G2E3: variants seen among roughly 807,000 people sequenced by gnomAD.
G2E3 encodes the protein G2/M phase-specific E3 ubiquitin-protein ligase.
In G2E3, 35 loss-of-function variants were observed where a neutral mutation model predicts 92.8. The observed-to-expected ratio is 0.38, with a 90% confidence interval of 0.29 to 0.50. G2E3 has a LOEUF of 0.50. Among genes scored for constraint, G2E3 ranks in the 20% least tolerant of loss-of-function variants. The pLI, the probability that G2E3 is intolerant of heterozygous loss-of-function variation, is 0.94. For synonymous variants in G2E3, 242 were observed against 272.4 expected, an observed-to-expected ratio of 0.89 and a Z score of 1.10; for missense variants, 554 against 823.8, an observed-to-expected ratio of 0.67 and a Z score of 4.01.
intron 13 of G2E3, 112 bp from the exon 14 acceptor site, chr14:30,615,236 TA>T: frequency 1.7e-6 from 1 of 577,814 alleles, no homozygotes; most frequent in Non-Finnish European, 3.0e-6. Context: ...GGTTGTTTTT[TA>T]AAAATCATTA....
chr14:30,598,510 C>T lies in G2E3; in HGVS notation c.663C>T (p.Asn221=), dbSNP rs774032938. 29 of 1,612,264 alleles carry T rather than the reference C, an allele frequency of 1.8e-5. No individual in the cohort carries two copies. Among genetic ancestry groups the T allele is most frequent in the Middle Eastern group, 1.7e-4 (1 of 6,056 alleles). The change falls in exon 8 of 15, where the codon AAC becomes AAT. Residue 221 remains asparagine, a synonymous_variant. Coordinates refer to ENST00000206595, the MANE Select transcript of G2E3 (RefSeq NM_017769.5). ...EKDASWELEE[N]AYQELLQHYE... Reference sequence around the variant, plus strand: ...ATGCTTCCTGGGAATTAGAGGAAAACGCTTATCAAGAGCTTCTGCAGCACT... The same window carrying T: ...ATGCTTCCTGGGAATTAGAGGAAAATGCTTATCAAGAGCTTCTGCAGCACT...
At position 30,616,447 on chromosome 14, in the gene G2E3, T is replaced by G; in HGVS notation, c.2034T>G (p.Tyr678Ter). The G allele has an allele frequency of 6.2e-7, 1 of 1,609,788 alleles. No homozygotes were observed. Among genetic ancestry groups the G allele is most frequent in the Non-Finnish European group, 8.5e-7 (1 of 1,176,376 alleles). The change falls in exon 15 of 15, where the codon TAT becomes TAG. Residue 678 changes from tyrosine (Y) to a stop codon, truncating the protein, a stop_gained. Coordinates refer to ENST00000206595, the MANE Select transcript of G2E3 (RefSeq NM_017769.5). LOFTEE classifies it high-confidence loss of function. ...NCLAIPITNT[Y>*]KEFQENMDFT... ...TAGCAATTCCCATCACCAATACATA[T>G]AAAGAGTTTCAAGAAAATATGGACT...
At chr14:30,591,647 C>A (rs559557369) in intron 4 of G2E3, among the ~76,000 whole-genome samples, 7 of 152,278 alleles carry the variant, frequency 4.6e-5, no homozygotes, top group African/African-American at 1.7e-4. Context: ...ACAGGCCTTT[C>A]TCTGTATATG....
chr14:30,614,731 T>C (rs372511580), intron 13 of G2E3, among the ~76,000 whole-genome samples: 6 of 152,226 alleles, frequency 3.9e-5, no homozygotes, highest in African/African-American at 1.2e-4. Flanking sequence ...AAAAATGATA[T>C]GTTTGTTCTT....
chr14:30,606,498 C>T (rs1218154568), intron 11 of G2E3, among the ~76,000 whole-genome samples: 5 of 152,056 alleles, frequency 3.3e-5, no homozygotes, highest in African/African-American at 1.2e-4. Context: ...ATAGTTCACA[C>T]AGTTTAATTA....
Position 30,602,095 on chromosome 14 carries a change from G to A in G2E3, c.974G>A (p.Arg325Lys), listed in dbSNP as rs1881597663. 6.8e-6 allele frequency: 11 copies of A among 1,611,108 alleles called. No homozygotes were observed. Among genetic ancestry groups the A allele is most frequent in the Middle Eastern group, 3.3e-4 (2 of 6,040 alleles). Residue 325 changes from arginine (R) to lysine (K), a missense_variant, in exon 10 of 15, where the codon AGA becomes AAA. Physicochemically the swap from Arg to Lys is conservative, Grantham distance 26 (BLOSUM62 2). Coordinates refer to ENST00000206595, the MANE Select transcript of G2E3 (RefSeq NM_017769.5). ...GAAGAGTCATCACCTAAATTACCCAGACAGTCACCTGGATCCCAGAGTAAA... is the reference window on the plus strand; with the variant it reads ...GAAGAGTCATCACCTAAATTACCCAAACAGTCACCTGGATCCCAGAGTAAA... ...LLEESSPKLP[R>K]QSPGSQSKDL... is the part of the protein sequence containing the mutation.
intron 10 of G2E3, among the ~76,000 whole-genome samples, chr14:30,603,190 G>T (rs1295587363): frequency 6.6e-6 from 1 of 152,010 alleles, no homozygotes; most frequent in Non-Finnish European, 1.5e-5. Context: ...GCTGGGCATA[G>T]TGTTGTGCAT....
intron 6 of G2E3, among the ~76,000 whole-genome samples, chr14:30,596,751 GT>G (rs893543780): frequency 1.3e-5 from 2 of 152,166 alleles, no homozygotes; most frequent in African/African-American, 4.8e-5. Context: ...AAGCTGTCAT[GT>G]TTTTTGGTAC....
intron 2 of G2E3, among the ~76,000 whole-genome samples, chr14:30,585,631 A>T (rs1594482769): frequency 7.0e-6 from 1 of 143,790 alleles, no homozygotes; most frequent in Non-Finnish European, 1.5e-5. Flanking sequence ...AGTTTTGTTG[A>T]TCTTTAAAAA....
intron 8 of G2E3, among the ~76,000 whole-genome samples, chr14:30,600,637 A>G (rs1302699917): frequency 6.6e-6 from 1 of 152,018 alleles, no homozygotes. Context: ...AGTAGCTACA[A>G]CTCTTCTTTC....
chr14:30,561,632 T>G (rs561458555), intron 1 of G2E3, among the ~76,000 whole-genome samples: 6 of 152,224 alleles, frequency 3.9e-5, no homozygotes, highest in Non-Finnish European at 8.8e-5. Flanking sequence ...CCTTAAGATT[T>G]TACTCAAATG....
At chr14:30,600,558 A>G (rs1481279028) in intron 8 of G2E3, among the ~76,000 whole-genome samples, 1 of 152,130 alleles carries the variant, frequency 6.6e-6, no homozygotes, top group Non-Finnish European at 1.5e-5. Context: ...TAATATTGAT[A>G]TTTTTCAAAT....
intron 14 of G2E3, 109 bp from the exon 15 acceptor site, chr14:30,616,169 G>C (rs769129912): frequency 1.4e-6 from 1 of 732,972 alleles, no homozygotes; most frequent in Non-Finnish European, 2.3e-6. Context: ...GTGGGAGTCT[G>C]TGCCTTTCAG....
chr14:30,608,726 A>G (rs57677010), intron 12 of G2E3, among the ~76,000 whole-genome samples: 2,580 of 152,332 alleles, frequency 0.017, 94 homozygotes, highest in African/African-American at 0.058. Context: ...AACTGAGACA[A>G]TGCAAGCCAT....
chr14:30,586,681 A>G, intron 2 of G2E3, 37 bp from the exon 3 acceptor site: 2 of 697,786 alleles, frequency 2.9e-6, no homozygotes, highest in Non-Finnish European at 4.7e-6. Flanking sequence ...GAAATATTTA[A>G]ATATATTTTT....
Position 30,616,588 on chromosome 14 carries a change from CTT to C in G2E3, c.*57_*58del, listed in dbSNP as rs1270821932. 1.5e-6 allele frequency: 2 copies of C among 1,322,600 alleles called. No homozygotes were observed. Among genetic ancestry groups the C allele is most frequent in the African/African-American group, 3.0e-5 (2 of 67,326 alleles). 81.9% of individuals were successfully genotyped at this position (1,322,600 alleles called of 1,614,324 possible). On this transcript the variant is annotated 3_prime_UTR_variant, in exon 15 of 15. Transcript: ENST00000206595. ...TTTAAAAGCTGCTATTGATAACTCT[CTT>C]TTATTTCACTAACCTTTTCATCATC... is the stretch of plus-strand genomic sequence containing the variant.
rs753936869 is a variant in G2E3, at chr14:30,608,047, A to T, written c.1478A>T (p.Asp493Val). The change falls in exon 12 of 15, where the codon GAT becomes GTT. Residue 493 changes from aspartate (D) to valine (V), a missense_variant. Physicochemically the swap from Asp to Val is radical, Grantham distance 152. Around this residue, in one of 3 missense-constraint regions of G2E3, gnomAD observed 397 missense variants for 560.3 expected, o/e 0.71. Transcript: ENST00000206595. ...QPILDDVSDF[D>V]VAQIIIRINT... ...ATTTTAGATGATGTTTCAGACTTTG[A>T]TGTGGCACAGATTATAATCAGGGTA... 11 of 1,589,214 alleles carry T rather than the reference A, an allele frequency of 6.9e-6. No homozygotes were observed. Among genetic ancestry groups the T allele is most frequent in the Non-Finnish European group, 8.5e-6 (10 of 1,169,654 alleles).
At chr14:30,577,240 A>AG (rs1555337870) in intron 1 of G2E3, among the ~76,000 whole-genome samples, 1 of 148,328 alleles carries the variant, frequency 6.7e-6, no homozygotes, top group African/African-American at 2.6e-5. Context: ...AAAAAAAAAA[A>AG]AAAGAAAAAG....
chr14:30,610,641 A>G (rs748940297), intron 12 of G2E3, among the ~76,000 whole-genome samples: 40 of 152,206 alleles, frequency 2.6e-4, no homozygotes, highest in Non-Finnish European at 5.0e-4. Context: ...ACATGCATAC[A>G]TACAACAGAA....
Sources: allele counts gnomAD v4.1 joint callset (sites outside exome capture counted in the v4.1 genomes callset), GRCh38; gene constraint gnomAD v4.1.1; regional missense constraint gnomAD v4.1.1; transcripts MANE v1.5; gene names NCBI Gene and HGNC (gene_info 2026-07-23, HGNC 2026-07-21).